Variants in RCC1 observed in about 807,000 individuals in gnomAD.
RCC1 encodes regulator of chromosome condensation 1.
In RCC1, 11 loss-of-function variants were observed where a neutral mutation model predicts 44.4. The observed-to-expected ratio is 0.25, with a 90% CI of 0.16 to 0.41. RCC1 has a LOEUF of 0.41. Ranked by LOEUF, RCC1 falls within the 10% of genes least tolerant of loss-of-function variation. The probability of loss-of-function intolerance (pLI) is 1.00; values close to 1 mark genes in which losing one functional copy is unlikely to be tolerated. For synonymous variants in RCC1, 213 were observed against 216.5 expected, an observed-to-expected ratio of 0.98 and a Z score of 0.14; for missense variants, 386 against 547.1, an observed-to-expected ratio of 0.71 and a Z score of 2.94.
chr1:28,530,169 A>C (rs1004830372), intron 5 of RCC1, among the ~76,000 whole-genome samples: 94 of 152,140 alleles, frequency 6.2e-4, no homozygotes, highest in Non-Finnish European at 7.8e-4. Flanking sequence ...AAAAAAAAAA[A>C]AAAAAAACTA....
intron 4 of RCC1, chr1:28,527,166 A>G: frequency 7.9e-7 from 1 of 1,260,444 alleles, no homozygotes; most frequent in Non-Finnish European, 1.1e-6. Context: ...AATGCCCCCA[A>G]GGAATGGCAC....
At chr1:28,535,444 G>A (rs2853728) in intron 9 of RCC1, 64 bp downstream of exon 9, 3 of 1,602,386 alleles carry the variant, frequency 1.9e-6, no homozygotes, top group Non-Finnish European at 2.6e-6. Context: ...GAAGGCCAAA[G>A]GCAGGAAGGA....
chr1:28,521,797 G>T (rs1209270605), intron 4 of RCC1, among the ~76,000 whole-genome samples: 6 of 152,276 alleles, frequency 3.9e-5, no homozygotes, highest in Non-Finnish European at 8.8e-5. Context: ...CTGCTTCTTG[G>T]ACTTGGCCAA....
intron 3 of RCC1, chr1:28,510,737 C>G: frequency 6.6e-6 from 1 of 152,408 alleles, no homozygotes; most frequent in Middle Eastern, 3.4e-3. Context: ...TGTCCAAGTC[C>G]ACAACTAGAA....
At chr1:28,517,326 T>C (rs1314785643) in intron 4 of RCC1, among the ~76,000 whole-genome samples, 1 of 152,176 alleles carries the variant, frequency 6.6e-6, no homozygotes, top group Non-Finnish European at 1.5e-5. Context: ...CAGCCTTTTC[T>C]TGGTACCTGT....
At position 28,536,035 on chromosome 1, in the gene RCC1, C is replaced by G. The variant is rs1456905892; in HGVS notation, c.817+9C>G. 3.1e-6 allele frequency: 5 copies of G among 1,599,932 alleles called. No homozygotes were observed. In the South Asian group the frequency reaches 4.5e-5, roughly 14 times the overall value. On this transcript the variant is annotated intron_variant, in intron 10 of 12. Transcript: ENST00000683442. This position sits in a 1 kb window ranked among gnomAD's most constrained non-coding sequence, Gnocchi z 4.9. ...CAACTACCATCAGCTTGGTGAGCCC[C>G]GAGCCCAGCTTCAGGCATGACCCAG...
chr1:28,507,769 G>A (rs1378197857), intron 1 of RCC1: 24 of 339,270 alleles, frequency 7.1e-5, no homozygotes, highest in Non-Finnish European at 8.1e-5. Flanking sequence ...ACCACGCCAG[G>A]CTAATTTTTG....
At chr1:28,532,829 T>G in intron 7 of RCC1, 1 of 427,398 alleles carries the variant, frequency 2.3e-6, no homozygotes, top group African/African-American at 2.0e-5. Context: ...TTTTGTATTG[T>G]TTTGAGATGG....
chr1:28,510,419 A>G (rs1319889765), intron 3 of RCC1: 1 of 152,156 alleles, frequency 6.6e-6, no homozygotes, highest in Non-Finnish European at 1.5e-5. Flanking sequence ...GGATCACAAC[A>G]TCTAGAGATC....
rs1343192892 is a variant in RCC1, at chr1:28,531,824, C to T, written c.95C>T (p.Thr32Ile). The T allele has an allele frequency of 6.4e-7, 1 of 1,558,164 alleles. No individual in the cohort carries two copies. Among genetic ancestry groups the T allele is most frequent in the Non-Finnish European group, 8.6e-7 (1 of 1,156,644 alleles). Residue 32 changes from threonine (T) to isoleucine (I), a missense_variant, in exon 6 of 13, where the codon ACA becomes ATA. Thr to Ile is a moderately conservative substitution (Grantham distance 89). Transcript: ENST00000683442. ...KVKVSHRSHS[T>I]EPGLVLTLGQ... ...TCAGTCTCACACAGGTCCCACAGCA[C>T]AGAACCCGGCTTGGTGCTGACACTA...
At chr1:28,518,892 A>T (rs999725075) in intron 4 of RCC1, 3 of 152,198 alleles carry the variant, frequency 2.0e-5, no homozygotes, top group Non-Finnish European at 4.4e-5. Context: ...GGGGGACAGT[A>T]GTGAGAAGAG....
chr1:28,530,545 C>T, intron 5 of RCC1: 1 of 1,605,680 alleles, frequency 6.2e-7, no homozygotes, highest in Non-Finnish European at 8.5e-7. Flanking sequence ...CTGCCTCCCG[C>T]CGCGTTCCTG....
intron 7 of RCC1, among the ~76,000 whole-genome samples, chr1:28,533,910 C>T (rs1184969339): frequency 1.6e-5 from 1 of 61,902 alleles, no homozygotes; most frequent in Non-Finnish European, 3.1e-5. Context: ...CAGAGTCTTG[C>T]TCTATCACCC....
Position 28,536,430 on chromosome 1 carries a change from C to T in RCC1, c.937+49C>T, listed in dbSNP as rs1664561705. On this transcript the variant is annotated intron_variant, in intron 11 of 12. Coordinates refer to ENST00000683442, the MANE Select transcript of RCC1 (RefSeq NM_001381865.2). This position sits in a 1 kb window ranked among gnomAD's most constrained non-coding sequence, Gnocchi z 4.9. ...AGTTTGGGGGTGGAGTGTTCCCTGGCCTAGGCCTAGCCAGATTCCTGAGAC... is the reference window on the plus strand; with the variant it reads ...AGTTTGGGGGTGGAGTGTTCCCTGGTCTAGGCCTAGCCAGATTCCTGAGAC... 1.3e-6 allele frequency: 2 copies of T among 1,591,462 alleles called. No homozygotes were observed. The highest frequency in any genetic ancestry group is 1.7e-6 in the Non-Finnish European group (2 of 1,171,990).
At chr1:28,506,186 T>C (rs987967324) in intron 1 of RCC1, 102 bp downstream of exon 1, 4 of 444,356 alleles carry the variant, frequency 9.0e-6, no homozygotes, top group African/African-American at 8.3e-5. Flanking sequence ...GATCATATAG[T>C]ATTTTATTTA....
At chr1:28,530,508 G>T in intron 5 of RCC1, 2 of 1,596,618 alleles carry the variant, frequency 1.3e-6, no homozygotes, top group Non-Finnish European at 1.7e-6. Context: ...CTCAGACAGT[G>T]TCTGTCTTTT....
chr1:28,514,798 C>G (rs1662791564), intron 3 of RCC1, among the ~76,000 whole-genome samples: 1 of 151,914 alleles, frequency 6.6e-6, no homozygotes, highest in African/African-American at 2.4e-5. Flanking sequence ...GGCACAGTGG[C>G]TCACGCCTGT....
At chr1:28,514,717 T>C (rs181387607) in intron 3 of RCC1, among the ~76,000 whole-genome samples, 64 of 148,130 alleles carry the variant, frequency 4.3e-4, no homozygotes, top group Non-Finnish European at 8.5e-4. Flanking sequence ...GCCGAGATCA[T>C]GCCATTGCAC....
At chr1:28,535,734 C>G in intron 9 of RCC1, 137 bp from the exon 10 acceptor site, 1 of 974,852 alleles carries the variant, frequency 1.0e-6, no homozygotes. Flanking sequence ...ATCTCAGTTT[C>G]CTTTTCTATA....
Sources: allele counts gnomAD v4.1 joint callset (sites outside exome capture counted in the v4.1 genomes callset), GRCh38; gene constraint gnomAD v4.1.1; non-coding constraint Gnocchi (gnomAD v3.1); transcripts MANE v1.5; gene names NCBI Gene and HGNC (gene_info 2026-07-23, HGNC 2026-07-21).